The following NAALAD2 variants were observed in gnomAD, a reference collection of about 807,000 sequenced individuals.
The protein encoded by NAALAD2 is N-acetylated-alpha-linked acidic dipeptidase 2.
In NAALAD2, 89 loss-of-function variants were observed where a neutral mutation model predicts 95.6. That is an observed-to-expected ratio of 0.93 (90% CI 0.78 to 1.11). The LOEUF (loss-of-function observed/expected upper bound fraction) is 1.11. Ranked by LOEUF, NAALAD2 falls within the 50% of genes least tolerant of loss-of-function variation. The probability of loss-of-function intolerance (pLI) is 0.00; values close to 1 mark genes in which losing one functional copy is unlikely to be tolerated. For missense variants in NAALAD2, 894 were observed against 872.4 expected, an observed-to-expected ratio of 1.02 and a Z score of -0.31; for synonymous variants, 264 against 294.4, an observed-to-expected ratio of 0.90 and a Z score of 1.06.
chr11:90,147,239 C>G, intron 2 of NAALAD2, 91 bp from the exon 3 acceptor site: 1 of 958,182 alleles, frequency 1.0e-6, no homozygotes, highest in Non-Finnish European at 1.6e-6. Flanking sequence ...AACTTAATGC[C>G]CAATGCATAA....
intron 18 of NAALAD2, among the ~76,000 whole-genome samples, chr11:90,188,772 C>T (rs1429203570): frequency 2.0e-5 from 3 of 152,152 alleles, no homozygotes; most frequent in Non-Finnish European, 4.4e-5. Context: ...ACTATCACAA[C>T]AAAGGCAAAT....
rs1951433277 is a variant in NAALAD2, at chr11:90,135,545, T to C, written c.83-14T>C. The C allele has an allele frequency of 1.3e-6, 2 of 1,566,042 alleles. No individual in the cohort carries two copies. Among genetic ancestry groups the C allele is most frequent in the East Asian group, 4.5e-5 (2 of 44,430 alleles). On this transcript the variant is annotated splice_polypyrimidine_tract_variant and intron_variant, in intron 1 of 18. Transcript: ENST00000534061. ...GTGTGTATGTGTGCATGTTTGTGTATTTTTTTTCCTTAGGCTGGTTTATTA... is the reference window on the plus strand; with the variant it reads ...GTGTGTATGTGTGCATGTTTGTGTACTTTTTTTCCTTAGGCTGGTTTATTA...
chr11:90,135,555 T>C lies in NAALAD2; in HGVS notation c.83-4T>C. ...GTGCATGTTTGTGTATTTTTTTTCC[T>C]TAGGCTGGTTTATTAAGCCTCTCAA... On this transcript the variant is annotated splice_polypyrimidine_tract_variant and splice_region_variant and intron_variant, in intron 1 of 18. Transcript: ENST00000534061. 6.2e-7 allele frequency: 1 copy of C among 1,603,054 alleles called. No homozygotes were observed. Among genetic ancestry groups the C allele is most frequent in the Non-Finnish European group, 8.5e-7 (1 of 1,173,748 alleles).
intron 13 of NAALAD2, among the ~76,000 whole-genome samples, chr11:90,170,715 A>G (rs1178134601): frequency 6.6e-6 from 1 of 152,194 alleles, no homozygotes; most frequent in African/African-American, 2.4e-5. Context: ...TGAGGAGCAT[A>G]AGAAGAGGTT....
chr11:90,179,149 G>A (rs978143556), intron 16 of NAALAD2, among the ~76,000 whole-genome samples: 7 of 152,288 alleles, frequency 4.6e-5, no homozygotes, highest in South Asian at 2.1e-4. Flanking sequence ...GCTGTGGTGG[G>A]TAGCACTTAG....
chr11:90,145,552 C>T (rs950250579), intron 2 of NAALAD2, among the ~76,000 whole-genome samples: 10 of 152,148 alleles, frequency 6.6e-5, no homozygotes, highest in Non-Finnish European at 1.5e-4. Flanking sequence ...TGTCTGAACA[C>T]ATTTGTACTT....
chr11:90,188,611 CT>C (rs1186599408), intron 18 of NAALAD2, among the ~76,000 whole-genome samples: 1 of 152,166 alleles, frequency 6.6e-6, no homozygotes, highest in Non-Finnish European at 1.5e-5. Context: ...TCTTCATTCT[CT>C]TTTATAAGGG....
At chr11:90,160,908 A>G (rs1396818599) in intron 8 of NAALAD2, among the ~76,000 whole-genome samples, 1 of 152,226 alleles carries the variant, frequency 6.6e-6, no homozygotes, top group Non-Finnish European at 1.5e-5. Context: ...GTCTCACCTC[A>G]CAGAGATCTT....
intron 1 of NAALAD2, chr11:90,135,153 C>T: frequency 3.0e-6 from 1 of 337,520 alleles, no homozygotes; most frequent in Non-Finnish European, 5.4e-6. Flanking sequence ...ATTAGTGAGT[C>T]AAAACTTTCA....
chr11:90,167,397 A>C (rs944950849), intron 11 of NAALAD2, among the ~76,000 whole-genome samples: 1 of 152,084 alleles, frequency 6.6e-6, no homozygotes, highest in Non-Finnish European at 1.5e-5. Context: ...AGGGCTTCCG[A>C]CCTGCAGCCC....
chr11:90,181,504 G>C (rs1410792758), intron 16 of NAALAD2, 116 bp from the exon 17 acceptor site: 1 of 682,076 alleles, frequency 1.5e-6, no homozygotes, highest in African/African-American at 1.9e-5. Context: ...AGAAGACTCA[G>C]TAGAAAAATG....
At chr11:90,135,178 C>T in intron 1 of NAALAD2, 1 of 315,884 alleles carries the variant, frequency 3.2e-6, no homozygotes, top group Admixed American at 4.5e-5. Context: ...ATACGGGCAG[C>T]ATTAAAAACA....
chr11:90,163,462 A>G, intron 10 of NAALAD2, 33 bp downstream of exon 10: 1 of 1,613,450 alleles, frequency 6.2e-7, no homozygotes, highest in South Asian at 1.1e-5. Context: ...GTGATGACAA[A>G]AAGTGACTTA....
chr11:90,141,918 G>C (rs984237822), intron 2 of NAALAD2, among the ~76,000 whole-genome samples: 1 of 151,866 alleles, frequency 6.6e-6, no homozygotes, highest in Non-Finnish European at 1.5e-5. Context: ...TTGCCTCTTT[G>C]TGCTGACTGG....
chr11:90,174,267 G>A (rs1436085210), intron 14 of NAALAD2, among the ~76,000 whole-genome samples: 2 of 151,656 alleles, frequency 1.3e-5, no homozygotes, highest in South Asian at 2.1e-4. Context: ...GGAGGCAGAG[G>A]TTGCAGTGAG....
intron 13 of NAALAD2, among the ~76,000 whole-genome samples, chr11:90,170,884 T>G (rs1218933744): frequency 6.6e-6 from 1 of 152,176 alleles, no homozygotes; most frequent in African/African-American, 2.4e-5. Context: ...CCAAAGGCGT[T>G]GGTGGGAAAG....
chr11:90,187,505 A>C (rs1591033626), intron 18 of NAALAD2, among the ~76,000 whole-genome samples: 2 of 151,456 alleles, frequency 1.3e-5, no homozygotes, highest in East Asian at 3.9e-4. Flanking sequence ...TACTTTATGG[A>C]TTGATATGAC....
intron 2 of NAALAD2, among the ~76,000 whole-genome samples, chr11:90,145,618 C>G (rs1001551189): frequency 1.3e-5 from 2 of 151,962 alleles, no homozygotes; most frequent in Non-Finnish European, 2.9e-5. Context: ...TTTTCATTTT[C>G]TGATATAGAG....
chr11:90,175,058 T>TGTAA (rs1184532260), intron 14 of NAALAD2, among the ~76,000 whole-genome samples: 31 of 152,292 alleles, frequency 2.0e-4, no homozygotes, highest in African/African-American at 7.5e-4. Context: ...TCTCACTGCA[T>TGTAA]ATATGTAAAT....
Sources: allele counts gnomAD v4.1 joint callset (sites outside exome capture counted in the v4.1 genomes callset), GRCh38; gene constraint gnomAD v4.1.1; transcripts MANE v1.5; gene names NCBI Gene and HGNC (gene_info 2026-07-23, HGNC 2026-07-21).